Variants in APBB2 observed in about 807,000 individuals in gnomAD.
APBB2 encodes the protein amyloid beta precursor protein binding family B member 2.
APBB2 carries 38 observed loss-of-function variants against 82.5 expected under a neutral mutation model. The observed-to-expected ratio is 0.46, with a 90% CI of 0.36 to 0.60. APBB2 has a LOEUF of 0.60. Among genes scored for constraint, APBB2 ranks in the 20% least tolerant of loss-of-function variants. The pLI is 0.00. For missense variants in APBB2, 772 were observed against 972.3 expected (o/e 0.79, Z 2.74); for synonymous variants, 341 against 368.2 (o/e 0.93, Z 0.85).
rs560933736 is a variant in APBB2 at position 40,821,788 on chromosome 4, G to A, written c.2112+83C>T. The A allele has an allele frequency of 4.3e-5, 64 of 1,487,176 alleles. No homozygotes were observed. In the African/African-American group the frequency reaches 6.3e-4, roughly 15 times the overall value. The allele number at this position is 1,487,176 out of a possible 1,614,324, so 92.1% of individuals were successfully genotyped here. On this transcript the variant is annotated intron_variant, in intron 17 of 17. Coordinates refer to ENST00000508593, the MANE Select transcript of APBB2 (RefSeq NM_004307.2). The stretch of plus-strand genomic sequence containing the variant: ...TAGGGATTCGACTTTTTTCATTTCC[G>A]TGAGTGATTCTGCTATAATGTATGG...
intron 6 of APBB2, among the ~76,000 whole-genome samples, chr4:40,971,149 C>T (rs998874692): frequency 9.9e-5 from 15 of 152,104 alleles, no homozygotes; most frequent in South Asian, 2.1e-4. Flanking sequence ...AGATTTCTAC[C>T]GACTGATAAA....
rs181220283 is a variant in APBB2 at position 40,978,387 on chromosome 4, C to T, written c.836-33314G>A. On this transcript the variant is annotated intron_variant, in intron 6 of 17. Coordinates refer to ENST00000508593, the MANE Select transcript of APBB2 (RefSeq NM_004307.2). ...ATTTGGTAACAGTCACCTTTCAAGA[C>T]AAATGCATCTACCCACCTGTGAGGC... Among the ~76,000 whole-genome samples, 77 of 152,276 alleles carry T rather than the reference C, an allele frequency of 5.1e-4. No homozygotes were observed. The East Asian group carries it at 7.9e-3, about 16-fold the overall frequency.
At chr4:40,977,456 G>A (rs1009356121) in intron 6 of APBB2, among the ~76,000 whole-genome samples, 2 of 151,894 alleles carry the variant, frequency 1.3e-5, no homozygotes, top group East Asian at 1.9e-4. Flanking sequence ...GGGATTACCG[G>A]CACCCACTAC....
chr4:41,193,593 T>G, intron 1 of APBB2: 1 of 984,590 alleles, frequency 1.0e-6, no homozygotes, highest in Non-Finnish European at 1.2e-6. Context: ...GTCAGTGAGC[T>G]TAACATGTTC....
At chr4:40,961,667 T>TAAAAAAAAAAAAAAAAAAAAAAA (rs60942744) in intron 6 of APBB2, among the ~76,000 whole-genome samples, 16 of 68,240 alleles carry the variant, frequency 2.3e-4, no homozygotes, top group East Asian at 1.6e-3. Flanking sequence ...AAAAAAGATG[T>TAAAAAAAAAAAAAAAAAAAAAAA]AAAAAAAAAA....
intron 10 of APBB2, among the ~76,000 whole-genome samples, chr4:40,917,806 G>GA (rs1780212220): frequency 6.6e-6 from 1 of 152,186 alleles, no homozygotes; most frequent in South Asian, 2.1e-4. Context: ...AACTTCTTAA[G>GA]AAAAAGAGAT....
At chr4:41,132,839 T>A (rs140966883) in intron 2 of APBB2, among the ~76,000 whole-genome samples, 34 of 152,134 alleles carry the variant, frequency 2.2e-4, no homozygotes, top group African/African-American at 7.5e-4. Context: ...GCAATATTTT[T>A]AAAAAACACT....
chr4:40,990,741 T>C (rs1022956697), intron 6 of APBB2, among the ~76,000 whole-genome samples: 4 of 152,176 alleles, frequency 2.6e-5, no homozygotes, highest in African/African-American at 9.7e-5. Flanking sequence ...TAAACAGTGA[T>C]TCATTTCATA....
chr4:41,186,994 G>C (rs1219640373), intron 1 of APBB2, among the ~76,000 whole-genome samples: 2 of 152,188 alleles, frequency 1.3e-5, no homozygotes, highest in Admixed American at 1.3e-4. Flanking sequence ...AAAATTCCTA[G>C]CTTCTGCACA....
intron 4 of APBB2, among the ~76,000 whole-genome samples, chr4:41,059,225 C>T (rs1297965966): frequency 6.6e-6 from 1 of 152,212 alleles, no homozygotes; most frequent in African/African-American, 2.4e-5. Context: ...CTTTGGGAGG[C>T]CGAGGCAGGC....
intron 6 of APBB2, among the ~76,000 whole-genome samples, chr4:41,013,216 CTTTT>C (rs1808885003): frequency 6.6e-6 from 1 of 152,086 alleles, no homozygotes; most frequent in Admixed American, 6.5e-5. Context: ...AACTTTGTTT[CTTTT>C]ATTATTTTGC....
intron 4 of APBB2, among the ~76,000 whole-genome samples, chr4:41,063,445 T>A (rs962528630): frequency 6.6e-6 from 1 of 152,184 alleles, no homozygotes; most frequent in Non-Finnish European, 1.5e-5. Flanking sequence ...ACTATGAAAA[T>A]TGATAATTTC....
At chr4:40,855,542 C>G (rs1760896673) in intron 12 of APBB2, among the ~76,000 whole-genome samples, 1 of 152,060 alleles carries the variant, frequency 6.6e-6, no homozygotes, top group African/African-American at 2.4e-5. Flanking sequence ...CGAGACCAGC[C>G]TGGCCAACAT....
chr4:41,076,883 A>T (rs923261495), intron 3 of APBB2, among the ~76,000 whole-genome samples: 1 of 152,238 alleles, frequency 6.6e-6, no homozygotes, highest in Non-Finnish European at 1.5e-5. Context: ...TGTGAGAACA[A>T]GAAAAAGCTC....
rs187158974 is a variant in APBB2, at chr4:40,899,225, C to A, written c.1255-5814G>T. Among the ~76,000 whole-genome samples the A allele has an allele frequency of 1.4e-3, 211 of 152,274 alleles. 1 individual carries two copies. Among genetic ancestry groups the A allele is most frequent in the African/African-American group, 4.9e-3 (204 of 41,560 alleles). ...TTGTCAGGATTAACTGGGCTAAATT[C>A]GAGTTTGCTGCTGCTTCTGTTATTG... is the stretch of plus-strand genomic sequence containing the variant. On this transcript the variant is annotated intron_variant, in intron 10 of 17. Transcript: ENST00000508593.
At chr4:40,932,803 A>G (rs1784525121) in intron 10 of APBB2, among the ~76,000 whole-genome samples, 1 of 152,238 alleles carries the variant, frequency 6.6e-6, no homozygotes, top group Non-Finnish European at 1.5e-5. Flanking sequence ...GCTACAAACA[A>G]TAATAAAACA....
chr4:41,023,583 T>C (rs773610063), intron 5 of APBB2, among the ~76,000 whole-genome samples: 2 of 152,044 alleles, frequency 1.3e-5, no homozygotes, highest in East Asian at 1.9e-4. Context: ...TCATTCACAA[T>C]TGCCACAAAA....
At chr4:41,141,524 T>C (rs992204010) in intron 2 of APBB2, among the ~76,000 whole-genome samples, 2 of 152,178 alleles carry the variant, frequency 1.3e-5, no homozygotes, top group Non-Finnish European at 2.9e-5. Context: ...CACTAGCAGC[T>C]CCAGCTTAAC....
intron 12 of APBB2, among the ~76,000 whole-genome samples, chr4:40,840,366 C>T (rs1755401829): frequency 6.6e-6 from 1 of 152,160 alleles, no homozygotes; most frequent in South Asian, 2.1e-4. Flanking sequence ...TATTTTCTGA[C>T]TGCACTTTGA....
Sources: gnomAD v4.1 joint callset for allele counts (sites outside exome capture counted in the v4.1 genomes callset) on GRCh38, gnomAD v4.1.1 for gene constraint, MANE v1.5 for transcripts, NCBI Gene and HGNC (gene_info 2026-07-23, HGNC 2026-07-21) for gene names.